ZNF841: variants seen among roughly 807,000 people sequenced by gnomAD.
ZNF841 encodes the protein TCONS_00006091.
A neutral mutation model predicts 13.0 loss-of-function variants in ZNF841; 11 were observed. That is an observed-to-expected ratio of 0.85 (90% CI 0.53 to 1.40). ZNF841 has a LOEUF of 1.40. ZNF841 is among the 40% of genes most tolerant of loss of function. ZNF841 has a pLI of 0.00. For synonymous variants in ZNF841, 369 were observed against 381.6 expected, an observed-to-expected ratio of 0.97 and a Z score of 0.38; for missense variants, 1,068 against 1,139.5, an observed-to-expected ratio of 0.94 and a Z score of 0.90.
chr19:52,095,325 G>A (rs942616317), intron 1 of ZNF841, among the ~76,000 whole-genome samples: 11 of 152,166 alleles, frequency 7.2e-5, no homozygotes, highest in Non-Finnish European at 1.2e-4. Context: ...GAGGAGAAGC[G>A]GCTCCTTCAG....
chr19:52,059,392 C>CAG, the ZNF841 span, among the ~76,000 whole-genome samples: 1 of 75,372 alleles, frequency 1.3e-5, no homozygotes, highest in East Asian at 4.1e-4. Context: ...TATATATATA[C>CAG]ACACACACAC....
intron 6 of ZNF841, among the ~76,000 whole-genome samples, chr19:52,070,092 A>C (rs1056078320): frequency 2.0e-5 from 3 of 152,254 alleles, no homozygotes; most frequent in African/African-American, 7.2e-5. Flanking sequence ...TTTACAAAGA[A>C]AGTAAGACAC....
chr19:52,093,569 C>T (rs1385483422), intron 2 of ZNF841, among the ~76,000 whole-genome samples: 1 of 152,088 alleles, frequency 6.6e-6, no homozygotes, highest in African/African-American at 2.4e-5. Flanking sequence ...ATATTGGACA[C>T]TTTAACAGTT....
intron 2 of ZNF841, among the ~76,000 whole-genome samples, chr19:52,089,604 A>G (rs7258314): frequency 0.21 from 32,121 of 152,106 alleles, 4,731 homozygotes; most frequent in African/African-American, 0.41. Flanking sequence ...CCGAGGTCAC[A>G]TCACTGCACT....
At chr19:52,067,912 A>AT (rs2087633355) in intron 6 of ZNF841, among the ~76,000 whole-genome samples, 4 of 152,140 alleles carry the variant, frequency 2.6e-5, no homozygotes, top group Non-Finnish European at 5.9e-5. Flanking sequence ...CTGACCCCAA[A>AT]TGACACACCA....
At chr19:52,059,881 T>C (rs1385787696), downstream of ZNF841, among the ~76,000 whole-genome samples, 2 of 152,210 alleles carry the variant, frequency 1.3e-5, no homozygotes, top group African/African-American at 2.4e-5. Context: ...GTACCTCTGA[T>C]TGGTTGCTTT....
Position 52,084,605 on chromosome 19 carries a change from T to C in ZNF841, c.15+182A>G, listed in dbSNP as rs560061280. On this transcript the variant is annotated intron_variant, in intron 4 of 6. Coordinates refer to ENST00000594440, the MANE Select transcript of ZNF841 (RefSeq NM_001136499.2). ...AGTGGAGCCTCTTCCCAAGCTCATG[T>C]CACTGAGTCACTGTGAGATCTGGAA... Among the ~76,000 whole-genome samples, 6 of 152,286 alleles carry C rather than the reference T, an allele frequency of 3.9e-5. No homozygotes were observed. The South Asian group carries it at 1.2e-3, about 32-fold the overall frequency.
the ZNF841 span, among the ~76,000 whole-genome samples, chr19:52,059,423 G>C: frequency 3.8e-5 from 5 of 130,532 alleles, no homozygotes; most frequent in Admixed American, 8.0e-5. Flanking sequence ...AGAAATGACA[G>C]ATGCAAAGCA....
At position 52,065,865 on chromosome 19, in the gene ZNF841, C is replaced by T. The variant is rs750598022; in HGVS notation, c.2017G>A (p.Val673Ile). Residue 673 changes from valine to isoleucine, a missense_variant, in exon 7 of 7, where the codon GTA becomes ATA. Val to Ile is a conservative substitution (Grantham distance 29). Coordinates refer to ENST00000594440, the MANE Select transcript of ZNF841 (RefSeq NM_001136499.2). ...TQRSSLTKHL[V>I]IHTGENPYHC... ...TAAGGGTTCTCTCCAGTATGAATTA[C>T]CAGATGTTTAGTGAGGCTTGAACGC... is the stretch of plus-strand genomic sequence containing the variant. 4 of 1,613,778 alleles carry T rather than the reference C, an allele frequency of 2.5e-6. No homozygotes were observed. The highest frequency in any genetic ancestry group is 4.5e-5 in the East Asian group (2 of 44,830).
chr19:52,068,712 T>C (rs1359848011), intron 6 of ZNF841, among the ~76,000 whole-genome samples: 4 of 148,382 alleles, frequency 2.7e-5, no homozygotes, highest in Non-Finnish European at 5.9e-5. Flanking sequence ...GGCTCAGACC[T>C]ATAATCCCAG....
chr19:52,073,122 G>A (rs1322770436), intron 6 of ZNF841, among the ~76,000 whole-genome samples: 1 of 151,922 alleles, frequency 6.6e-6, no homozygotes, highest in Non-Finnish European at 1.5e-5. Flanking sequence ...TTCAATAAAG[G>A]GTGCTAGAAA....
Position 52,066,452 on chromosome 19 carries a change from C to A in ZNF841, c.1430G>T (p.Arg477Ile). ...GTAGGGTTTCTCTCCAGTATGAATT[C>A]TCCGGTGCCCTGCAAGACGTGAACG... ...FQRSRLAGHR[R>I]IHTGEKPYKC... The change falls in exon 7 of 7, where the codon AGA (arginine) becomes ATA (isoleucine). Residue 477 changes from arginine (R) to isoleucine (I), a missense_variant. Coordinates refer to ENST00000594440, the MANE Select transcript of ZNF841 (RefSeq NM_001136499.2). 1 of 1,613,694 alleles carries A rather than the reference C, an allele frequency of 6.2e-7. No homozygotes were observed. Among genetic ancestry groups the A allele is most frequent in the Non-Finnish European group, 8.5e-7 (1 of 1,179,868 alleles).
Position 52,066,680 on chromosome 19 carries a change from T to C in ZNF841, c.1202A>G (p.Tyr401Cys), listed in dbSNP as rs778988651. 8.7e-6 allele frequency: 14 copies of C among 1,612,146 alleles called. No individual in the cohort carries two copies. The highest frequency in any genetic ancestry group is 1.2e-5 in the Non-Finnish European group (14 of 1,179,028). The stretch of plus-strand genomic sequence containing the variant: ...GGTTTTGCCACATTCATTACATTTG[T>C]AGGGTTTGTCTCCAGTATGAACTGT... The part of the protein sequence containing the change: ...HQTVHTGDKP[Y>C]KCNECGKTFK... The change falls in exon 7 of 7, where the codon TAC (tyrosine) becomes TGC (cysteine). Residue 401 changes from tyrosine (Y) to cysteine (C), a missense_variant. Physicochemically the swap from Tyr to Cys is radical, Grantham distance 194. Transcript: ENST00000594440.
intron 3 of ZNF841, among the ~76,000 whole-genome samples, chr19:52,087,828 AT>A (rs532379855): frequency 6.6e-6 from 1 of 152,110 alleles, no homozygotes; most frequent in East Asian, 1.9e-4. Flanking sequence ...TCTACTAAAA[AT>A]ACAAAAATTA....
At chr19:52,061,825 C>T (rs1048223812), downstream of ZNF841, among the ~76,000 whole-genome samples, 9 of 152,098 alleles carry the variant, frequency 5.9e-5, no homozygotes, top group Admixed American at 5.2e-4. Flanking sequence ...GGATTACAGG[C>T]GTGAGCCACC....
At chr19:52,075,800 T>C (rs1453708339) in intron 6 of ZNF841, among the ~76,000 whole-genome samples, 1 of 152,142 alleles carries the variant, frequency 6.6e-6, no homozygotes, top group Non-Finnish European at 1.5e-5. Flanking sequence ...GTTCACACAA[T>C]ACAGATGACA....
chr19:52,094,713 C>T (rs1438071450), intron 1 of ZNF841, among the ~76,000 whole-genome samples: 12 of 152,058 alleles, frequency 7.9e-5, no homozygotes, highest in African/African-American at 2.2e-4. Context: ...CTCTCTCCCT[C>T]TCTTTCAGTC....
intron 4 of ZNF841, among the ~76,000 whole-genome samples, chr19:52,083,492 C>T (rs1031095817): frequency 1.3e-5 from 2 of 150,052 alleles, no homozygotes; most frequent in Admixed American, 6.6e-5. Flanking sequence ...AATAAAAATT[C>T]TTTGTATTTC....
intron 6 of ZNF841, among the ~76,000 whole-genome samples, chr19:52,071,568 C>T (rs1381700078): frequency 1.3e-5 from 2 of 152,024 alleles, no homozygotes; most frequent in African/African-American, 4.8e-5. Flanking sequence ...CCTGGGATAT[C>T]AAAAACACAA....
Sources: gnomAD v4.1 joint callset for allele counts (sites outside exome capture counted in the v4.1 genomes callset) on GRCh38, gnomAD v4.1.1 for gene constraint, MANE v1.5 for transcripts, NCBI Gene and HGNC (gene_info 2026-07-23, HGNC 2026-07-21) for gene names.